MALRD1: variants seen among roughly 807,000 people sequenced by gnomAD.
MALRD1 encodes the protein MAM and LDL receptor class A domain containing 1.
Under a neutral mutation model 242.1 loss-of-function variants are expected in MALRD1, and 247 were observed. That is an observed-to-expected ratio of 1.02 (90% CI 0.92 to 1.13). The LOEUF is 1.13. Ranked by LOEUF, MALRD1 falls within the 50% of genes most tolerant of loss-of-function variation. The pLI, the probability that MALRD1 is intolerant of heterozygous loss-of-function variation, is 0.00. For missense variants in MALRD1, 2,989 were observed against 2,533.1 expected (o/e 1.18, Z -3.86); for synonymous variants, 995 against 866.6 (o/e 1.15, Z -2.60).
At chr10:19,115,455 T>A (rs1836839214) in intron 5 of MALRD1, among the ~76,000 whole-genome samples, 1 of 151,618 alleles carries the variant, frequency 6.6e-6, no homozygotes, top group Non-Finnish European at 1.5e-5. Flanking sequence ...AAAAAACAAC[T>A]CATAGAGCTG....
intron 28 of MALRD1, among the ~76,000 whole-genome samples, chr10:19,394,887 G>T (rs1846511850): frequency 6.6e-6 from 1 of 152,094 alleles, no homozygotes. Context: ...TTTTGATATT[G>T]ACAAGCTACT....
chr10:19,466,637 T>C (rs1836228955), intron 29 of MALRD1, among the ~76,000 whole-genome samples: 1 of 152,200 alleles, frequency 6.6e-6, no homozygotes, highest in African/African-American at 2.4e-5. Flanking sequence ...ACAAGTTCTT[T>C]CCTCTGTGCA....
intron 19 of MALRD1, among the ~76,000 whole-genome samples, chr10:19,264,230 A>C (rs925890771): frequency 3.9e-5 from 6 of 152,152 alleles, no homozygotes; most frequent in Admixed American, 2.6e-4. Flanking sequence ...GTTATGTATC[A>C]CATTTATTAA....
At chr10:19,154,678 T>A (rs1834070768) in intron 11 of MALRD1, among the ~76,000 whole-genome samples, 1 of 152,212 alleles carries the variant, frequency 6.6e-6, no homozygotes, top group Admixed American at 6.5e-5. Flanking sequence ...CTAAAATTCA[T>A]TCCATAAGCT....
intron 28 of MALRD1, among the ~76,000 whole-genome samples, chr10:19,418,061 AC>A (rs1252709519): frequency 6.6e-6 from 1 of 152,118 alleles, no homozygotes; most frequent in Non-Finnish European, 1.5e-5. Flanking sequence ...AAAAGTCTTG[AC>A]AAATTTTTTT....
intron 2 of MALRD1, among the ~76,000 whole-genome samples, chr10:19,077,570 G>T (rs757827163): frequency 6.6e-6 from 1 of 151,864 alleles, no homozygotes; most frequent in African/African-American, 2.4e-5. Context: ...ACACTAGAGA[G>T]GGACAATTTT....
chr10:19,714,486 T>C (rs950693791), intron 38 of MALRD1, among the ~76,000 whole-genome samples: 1 of 152,082 alleles, frequency 6.6e-6, no homozygotes, highest in African/African-American at 2.4e-5. Flanking sequence ...GGGGTTTTTA[T>C]ACGCACAGGA....
At chr10:19,316,966 A>G (rs1261835163) in intron 21 of MALRD1, among the ~76,000 whole-genome samples, 3 of 151,454 alleles carry the variant, frequency 2.0e-5, no homozygotes, top group African/African-American at 2.4e-5. Context: ...ATAGATACCA[A>G]TTTTTCCATG....
intron 12 of MALRD1, among the ~76,000 whole-genome samples, chr10:19,164,985 G>A (rs900340482): frequency 1.3e-5 from 2 of 151,738 alleles, no homozygotes; most frequent in African/African-American, 4.8e-5. Flanking sequence ...TTGATATAAA[G>A]TATTAATTAC....
At chr10:19,237,604 A>AATTATATATAAATT (rs1167151059) in intron 18 of MALRD1, among the ~76,000 whole-genome samples, 7 of 72,196 alleles carry the variant, frequency 9.7e-5, no homozygotes, top group East Asian at 6.1e-4. Context: ...ATATAATTAT[A>AATTATATATAAATT]ATTATAATTA....
intron 31 of MALRD1, 27 bp from the exon 32 acceptor site, chr10:19,531,167 A>C (rs1336633259): frequency 6.5e-7 from 1 of 1,529,662 alleles, no homozygotes; most frequent in African/African-American, 1.4e-5. Context: ...CATTACACTG[A>C]AAAAAATTTT....
intron 21 of MALRD1, among the ~76,000 whole-genome samples, chr10:19,302,632 G>C (rs1842003294): frequency 6.6e-6 from 1 of 151,728 alleles, no homozygotes; most frequent in South Asian, 2.1e-4. Context: ...AGGTAGAATG[G>C]ATAAGGGGTT....
intron 4 of MALRD1, among the ~76,000 whole-genome samples, chr10:19,098,434 A>T (rs900864746): frequency 5.3e-5 from 8 of 152,172 alleles, no homozygotes; most frequent in Admixed American, 1.3e-4. Flanking sequence ...GCTTTGCATT[A>T]AAAAATGTAA....
chr10:19,194,177 G>A (rs1836126876), intron 14 of MALRD1, among the ~76,000 whole-genome samples: 2 of 151,988 alleles, frequency 1.3e-5, no homozygotes, highest in South Asian at 2.1e-4. Context: ...CGTTTCAAAC[G>A]CAATTGTGGG....
At chr10:19,717,392 A>G (rs1467985487) in intron 38 of MALRD1, among the ~76,000 whole-genome samples, 1 of 152,218 alleles carries the variant, frequency 6.6e-6, no homozygotes, top group Non-Finnish European at 1.5e-5. Flanking sequence ...TACTGGCAGC[A>G]GATGGTGATG....
At chr10:19,705,589 G>A (rs906964042) in intron 38 of MALRD1, among the ~76,000 whole-genome samples, 2 of 152,048 alleles carry the variant, frequency 1.3e-5, no homozygotes, top group South Asian at 2.1e-4. Context: ...GGGAAATTGA[G>A]TACAGGGTTT....
chr10:19,455,502 T>C (rs1353699380), intron 29 of MALRD1, among the ~76,000 whole-genome samples: 2 of 152,216 alleles, frequency 1.3e-5, no homozygotes, highest in African/African-American at 4.8e-5. Flanking sequence ...TGACATGATC[T>C]TCTTTTGCCT....
At chr10:19,655,410 A>T (rs1379680078) in intron 36 of MALRD1, among the ~76,000 whole-genome samples, 1 of 151,360 alleles carries the variant, frequency 6.6e-6, no homozygotes, top group Non-Finnish European at 1.5e-5. Context: ...TACTTTCTTC[A>T]ATGTAATTAT....
chr10:19,251,498 C>T (rs1485169404), intron 18 of MALRD1, among the ~76,000 whole-genome samples: 1 of 151,828 alleles, frequency 6.6e-6, no homozygotes, highest in Non-Finnish European at 1.5e-5. Flanking sequence ...CTCATATTGC[C>T]CTGTGGAAAT....
Sources: allele counts gnomAD v4.1 joint callset (sites outside exome capture counted in the v4.1 genomes callset), GRCh38; gene constraint gnomAD v4.1.1; transcripts MANE v1.5; gene names NCBI Gene and HGNC (gene_info 2026-07-23, HGNC 2026-07-21).